Variants in NAE1 observed in about 807,000 individuals in gnomAD.
NAE1 encodes NEDD8 activating enzyme E1 subunit 1, also known as NEDD8-activating enzyme E1 regulatory subunit.
A neutral mutation model predicts 88.0 loss-of-function variants in NAE1; 59 were observed. The observed-to-expected ratio is 0.67, with a 90% confidence interval of 0.54 to 0.83. The LOEUF (loss-of-function observed/expected upper bound fraction) is 0.83, where lower values mean the gene tolerates loss of function less well. Ranked by LOEUF, NAE1 falls within the 40% of genes least tolerant of loss-of-function variation. NAE1 has a pLI of 0.00. For synonymous variants in NAE1, 186 were observed against 208.9 expected (o/e 0.89, Z 0.95); for missense variants, 554 against 632.8 (o/e 0.88, Z 1.34).
At chr16:66,806,085 CCTTT>C (rs2145309323) in intron 17 of NAE1, 59 bp from the exon 18 acceptor site, 2 of 1,498,458 alleles carry the variant, frequency 1.3e-6, no homozygotes, top group South Asian at 1.3e-5. Flanking sequence ...ATGGCCAACT[CCTTT>C]ATTTAATCTA....
intron 7 of NAE1, among the ~76,000 whole-genome samples, chr16:66,819,187 A>G (rs1960160553): frequency 6.6e-6 from 1 of 152,208 alleles, no homozygotes; most frequent in Admixed American, 6.5e-5. Context: ...TTCTAACTGG[A>G]AAAGCTCAAC....
intron 1 of NAE1, among the ~76,000 whole-genome samples, chr16:66,827,279 G>C (rs1960496699): frequency 6.7e-6 from 1 of 148,658 alleles, no homozygotes; most frequent in Non-Finnish European, 1.5e-5. Flanking sequence ...CTTAAATTAT[G>C]TTAGATGTGC....
intron 11 of NAE1, among the ~76,000 whole-genome samples, chr16:66,814,379 C>T (rs1026556357): frequency 6.6e-6 from 1 of 151,908 alleles, no homozygotes; most frequent in African/African-American, 2.4e-5. Context: ...TCATTTGAGC[C>T]CAGGAGTTTG....
chr16:66,806,059 ATG>A (rs768122912), intron 17 of NAE1, 33 bp from the exon 18 acceptor site: 5 of 1,572,042 alleles, frequency 3.2e-6, no homozygotes, highest in Middle Eastern at 4.2e-4. Context: ...ATTAAAATAA[ATG>A]TGATTCAAAA....
At chr16:66,815,232 C>T (rs762488052) in intron 11 of NAE1, among the ~76,000 whole-genome samples, 2 of 152,176 alleles carry the variant, frequency 1.3e-5, no homozygotes, top group Non-Finnish European at 2.9e-5. Flanking sequence ...GTTTTATATT[C>T]AGTGAAATAC....
At chr16:66,819,303 C>A (rs1284594365) in intron 7 of NAE1, among the ~76,000 whole-genome samples, 2 of 152,128 alleles carry the variant, frequency 1.3e-5, no homozygotes, top group African/African-American at 2.4e-5. Context: ...CTCCAGAAAC[C>A]TGATGGGCAT....
At chr16:66,819,397 G>A (rs1960165821) in intron 7 of NAE1, among the ~76,000 whole-genome samples, 1 of 152,206 alleles carries the variant, frequency 6.6e-6, no homozygotes, top group South Asian at 2.1e-4. Context: ...CCACATGAGA[G>A]AGGACAGGAG....
At chr16:66,805,688 A>C in intron 19 of NAE1, 89 bp downstream of exon 19, 1 of 1,100,076 alleles carries the variant, frequency 9.1e-7, no homozygotes, top group Non-Finnish European at 1.2e-6. Flanking sequence ...TGACCTCCCT[A>C]ATTAAAATAG....
intron 16 of NAE1, 178 bp downstream of exon 16, chr16:66,808,811 C>A (rs1436101341): frequency 5.0e-6 from 3 of 599,220 alleles, no homozygotes; most frequent in Non-Finnish European, 8.4e-6. Context: ...TTTATGCATA[C>A]ATTAAGTTTC....
Position 66,805,990 on chromosome 16 carries a change from T to C in NAE1, c.1367A>G (p.Lys456Arg). 1.2e-6 allele frequency: 2 copies of C among 1,613,302 alleles called. No individual in the cohort carries two copies. Among genetic ancestry groups the C allele is most frequent in the South Asian group, 1.1e-5 (1 of 90,816 alleles). Residue 456 changes from lysine (K) to arginine (R), a missense_variant, in exon 18 of 20, where the codon AAG becomes AGG. Transcript: ENST00000290810. ...GAAGCCAGTGAGACAAGACTTCAACTTTCCTATATCTTCTTCAACTTGATA... is the reference window on the plus strand; with the variant it reads ...GAAGCCAGTGAGACAAGACTTCAACCTTCCTATATCTTCTTCAACTTGATA... ...SNYQVEEDIGKLKSCLTGFLQ... is the reference protein window; with the variant it reads ...SNYQVEEDIGRLKSCLTGFLQ...
intron 4 of NAE1, 87 bp from the exon 5 acceptor site, chr16:66,823,687 G>T: frequency 9.9e-7 from 1 of 1,014,432 alleles, no homozygotes; most frequent in Non-Finnish European, 1.4e-6. Context: ...CAAACATACT[G>T]TAAAACTATC....
At chr16:66,826,904 G>C in intron 1 of NAE1, 124 bp from the exon 2 acceptor site, 1 of 806,400 alleles carries the variant, frequency 1.2e-6, no homozygotes, top group East Asian at 2.6e-5. Flanking sequence ...ATACAGGTAA[G>C]ACGGGAACAG....
intron 15 of NAE1, 107 bp downstream of exon 15, chr16:66,810,267 T>C (rs1959740856): frequency 1.2e-6 from 1 of 862,614 alleles, no homozygotes; most frequent in Admixed American, 2.2e-5. Flanking sequence ...TCTATATCAC[T>C]GAGGCCATGG....
chr16:66,818,390 A>G lies in NAE1; in HGVS notation c.621+138T>C, dbSNP rs1960132085. ...AATTAATATGTTGAAAACAAGGTAA[A>G]ATACTGTTATTGGGTAATCGGGATG... On this transcript the variant is annotated intron_variant, in intron 8 of 19. Coordinates refer to ENST00000290810, the MANE Select transcript of NAE1 (RefSeq NM_003905.4). 4.6e-6 allele frequency: 3 copies of G among 645,622 alleles called. No individual in the cohort carries two copies. In the South Asian group the frequency reaches 7.8e-5, roughly 17 times the overall value. 40.0% of individuals were successfully genotyped at this position (645,622 alleles called of 1,614,324 possible). A position where few individuals can be genotyped will look rare whatever the true frequency, so the allele number is the denominator to read the frequency against.
chr16:66,806,953 T>A (rs938070402), intron 17 of NAE1, among the ~76,000 whole-genome samples: 4 of 152,204 alleles, frequency 2.6e-5, no homozygotes, highest in Admixed American at 2.0e-4. Context: ...TTTTTTGGAA[T>A]GTTAACTGCA....
chr16:66,818,433 T>C (rs1464409214), intron 8 of NAE1, 95 bp downstream of exon 8: 2 of 855,252 alleles, frequency 2.3e-6, no homozygotes, highest in Non-Finnish European at 3.5e-6. Context: ...TATGGAAGTT[T>C]ATAGGATTTT....
At chr16:66,814,966 T>C (rs1264786960) in intron 11 of NAE1, among the ~76,000 whole-genome samples, 1 of 152,210 alleles carries the variant, frequency 6.6e-6, no homozygotes, top group African/African-American at 2.4e-5. Context: ...CCTTTGCACA[T>C]GTGCTCCCTC....
intron 19 of NAE1, among the ~76,000 whole-genome samples, chr16:66,805,215 A>G (rs1959515710): frequency 6.6e-6 from 1 of 152,192 alleles, no homozygotes; most frequent in South Asian, 2.1e-4. Context: ...GGAAAGGCCG[A>G]GTGGAACCAA....
intron 4 of NAE1, among the ~76,000 whole-genome samples, chr16:66,823,957 G>A (rs1010520546): frequency 6.6e-6 from 1 of 152,112 alleles, no homozygotes; most frequent in African/African-American, 2.4e-5. Flanking sequence ...GGCTGGTCTT[G>A]AACTCCTGGT....
Sources: gnomAD v4.1 joint callset for allele counts (sites outside exome capture counted in the v4.1 genomes callset) on GRCh38, gnomAD v4.1.1 for gene constraint, MANE v1.5 for transcripts, NCBI Gene and HGNC (gene_info 2026-07-23, HGNC 2026-07-21) for gene names.